NUDCD3: variants seen among roughly 807,000 people sequenced by gnomAD.
NUDCD3 encodes the protein NudC domain containing 3.
In NUDCD3, 13 loss-of-function variants were observed where a neutral mutation model predicts 39.7. That is an observed-to-expected ratio of 0.33 (90% CI 0.21 to 0.52). The LOEUF (loss-of-function observed/expected upper bound fraction) is 0.52, where lower values mean the gene tolerates loss of function less well. Ranked by LOEUF, NUDCD3 falls within the 20% of genes least tolerant of loss-of-function variation. The pLI is 0.96. For synonymous variants in NUDCD3, 175 were observed against 172.4 expected (o/e 1.02, Z -0.12); for missense variants, 453 against 458.1 (o/e 0.99, Z 0.10).
Position 44,383,985 on chromosome 7 carries a change from C to T in NUDCD3, c.*2026G>A, listed in dbSNP as rs1253645094. On this transcript the variant is annotated 3_prime_UTR_variant, in exon 6 of 6. Coordinates refer to ENST00000355451, the MANE Select transcript of NUDCD3 (RefSeq NM_015332.4). ...CCAATACTATCCCTCAGTCATTCTT[C>T]CTAGATATTGGTTTGCTGTTTATTA... 1 of 152,236 alleles carries T rather than the reference C, an allele frequency of 6.6e-6. No homozygotes were observed. Among genetic ancestry groups the T allele is most frequent in the Non-Finnish European group, 1.5e-5 (1 of 68,064 alleles). 9.4% of individuals were successfully genotyped at this position (152,236 alleles called of 1,614,324 possible).
chr7:44,475,005 T>C (rs1405275986), intron 2 of NUDCD3, among the ~76,000 whole-genome samples: 1 of 152,240 alleles, frequency 6.6e-6, no homozygotes, highest in Non-Finnish European at 1.5e-5. Context: ...CCTGGCTTTC[T>C]ATTCATTATT....
At chr7:44,473,459 T>C (rs1336972056) in intron 2 of NUDCD3, among the ~76,000 whole-genome samples, 5 of 151,958 alleles carry the variant, frequency 3.3e-5, no homozygotes, top group Admixed American at 3.3e-4. Context: ...ATGTGTACAC[T>C]AAGGAGAAGC....
At chr7:44,478,080 G>A (rs115276960) in intron 2 of NUDCD3, among the ~76,000 whole-genome samples, 85 of 151,956 alleles carry the variant, frequency 5.6e-4, no homozygotes, top group African/African-American at 2.0e-3. Context: ...ATGATCAGCC[G>A]GCCTCGGCCT....
chr7:44,417,233 T>C (rs192809260), intron 3 of NUDCD3, among the ~76,000 whole-genome samples: 475 of 152,338 alleles, frequency 3.1e-3, no homozygotes, highest in Non-Finnish European at 3.3e-3. Context: ...CACATCATCT[T>C]AGAGGTCATG....
chr7:44,451,134 G>A lies in NUDCD3; in HGVS notation c.510-23431C>T, dbSNP rs149368210. Among the ~76,000 whole-genome samples, 56 of 152,304 alleles carry A rather than the reference G, an allele frequency of 3.7e-4. 1 individual carries two copies. The highest frequency in any genetic ancestry group is 3.4e-3 in the Middle Eastern group (1 of 292). On this transcript the variant is annotated intron_variant, in intron 2 of 5. Transcript: ENST00000355451. ...TAAACAAAATGTAGTATATCCATACGATGGATTATTCAGACTTAAAAAGGA... is the reference window on the plus strand; with the variant it reads ...TAAACAAAATGTAGTATATCCATACAATGGATTATTCAGACTTAAAAAGGA...
chr7:44,386,993 G>A (rs1798413789), intron 5 of NUDCD3, among the ~76,000 whole-genome samples: 1 of 151,954 alleles, frequency 6.6e-6, no homozygotes, highest in South Asian at 2.1e-4. Context: ...CTGACCACAA[G>A]AGACAAAAGA....
At chr7:44,436,554 A>AGTACTTTGTACTGTACTT (rs1402563080) in intron 2 of NUDCD3, among the ~76,000 whole-genome samples, 29 of 152,374 alleles carry the variant, frequency 1.9e-4, no homozygotes, top group Admixed American at 1.6e-3. Flanking sequence ...AAAGTGGGTC[A>AGTACTTTGTACTGTACTT]TGCTACAGAA....
At chr7:44,490,312 G>A in intron 1 of NUDCD3, 97 bp downstream of exon 1, 3 of 1,206,154 alleles carry the variant, frequency 2.5e-6, no homozygotes, top group Non-Finnish European at 3.3e-6. Context: ...ACCAGGAAAA[G>A]GAGGAAACAG....
intron 2 of NUDCD3, among the ~76,000 whole-genome samples, chr7:44,438,621 G>C (rs1424915772): frequency 1.1e-5 from 1 of 92,490 alleles, no homozygotes; most frequent in East Asian, 3.4e-4. Context: ...CCTATACCCA[G>C]TGCTAATCCA....
intron 2 of NUDCD3, chr7:44,468,349 CAAAAAA>C (rs77181470): frequency 2.4e-4 from 93 of 380,818 alleles, no homozygotes; most frequent in Non-Finnish European, 2.7e-4. Flanking sequence ...GTAAAAACTG[CAAAAAA>C]AAAAAAAAAA....
chr7:44,381,574 G>A lies in NUDCD3; in HGVS notation c.*4437C>T, dbSNP rs1798305309. ...GGGGTTAGACTACAAAGTCCCTCAGGCCCTGACCAGCTCTGGGGAAGAAGG... is the reference window on the plus strand; with the variant it reads ...GGGGTTAGACTACAAAGTCCCTCAGACCCTGACCAGCTCTGGGGAAGAAGG... On this transcript the variant is annotated 3_prime_UTR_variant, in exon 6 of 6. Transcript: ENST00000355451. 1.3e-5 allele frequency: 2 copies of A among 152,326 alleles called. No individual in the cohort carries two copies. The highest frequency in any genetic ancestry group is 6.5e-5 in the Admixed American group (1 of 15,298). The allele number at this position is 152,326 out of a possible 1,614,324, so 9.4% of individuals were successfully genotyped here.
At chr7:44,461,256 T>C (rs939860386) in intron 2 of NUDCD3, among the ~76,000 whole-genome samples, 1 of 152,222 alleles carries the variant, frequency 6.6e-6, no homozygotes, top group Non-Finnish European at 1.5e-5. Context: ...ACCCTTCCTC[T>C]GCATTCATCA....
chr7:44,485,924 C>T (rs1328144350), intron 1 of NUDCD3, among the ~76,000 whole-genome samples: 1 of 152,116 alleles, frequency 6.6e-6, no homozygotes, highest in Non-Finnish European at 1.5e-5. Context: ...ACCTCTCTAC[C>T]AAAAAAGTAC....
intron 2 of NUDCD3, among the ~76,000 whole-genome samples, chr7:44,462,600 G>A (rs189427972): frequency 6.6e-6 from 1 of 152,320 alleles, no homozygotes; most frequent in East Asian, 1.9e-4. Context: ...CTCTCAAAGG[G>A]AGGGTAGGCC....
At chr7:44,419,696 C>G (rs1799101511) in intron 3 of NUDCD3, among the ~76,000 whole-genome samples, 1 of 152,156 alleles carries the variant, frequency 6.6e-6, no homozygotes, top group African/African-American at 2.4e-5. Flanking sequence ...ACTGGTGATA[C>G]CCAGGCAAAC....
chr7:44,466,053 C>T (rs572603346), intron 2 of NUDCD3, among the ~76,000 whole-genome samples: 48 of 152,204 alleles, frequency 3.2e-4, no homozygotes, highest in African/African-American at 1.0e-3. Context: ...GGCACAGCCA[C>T]CCAACATGAG....
At chr7:44,467,592 G>A (rs973154346) in intron 2 of NUDCD3, among the ~76,000 whole-genome samples, 20 of 152,128 alleles carry the variant, frequency 1.3e-4, no homozygotes, top group African/African-American at 4.1e-4. Flanking sequence ...ATTGAGGCCC[G>A]GCAGGGACGA....
At chr7:44,482,041 T>C (rs1025458814) in intron 2 of NUDCD3, among the ~76,000 whole-genome samples, 3 of 152,218 alleles carry the variant, frequency 2.0e-5, no homozygotes, top group Non-Finnish European at 4.4e-5. Context: ...ACCCAGGCTA[T>C]ATTATTTTGT....
At chr7:44,397,744 T>C (rs1022806415) in intron 4 of NUDCD3, among the ~76,000 whole-genome samples, 4 of 152,206 alleles carry the variant, frequency 2.6e-5, no homozygotes, top group Admixed American at 6.5e-5. Context: ...TAATATATAA[T>C]AACATAGTAT....
Sources: allele counts gnomAD v4.1 joint callset (sites outside exome capture counted in the v4.1 genomes callset), GRCh38; gene constraint gnomAD v4.1.1; transcripts MANE v1.5; gene names NCBI Gene and HGNC (gene_info 2026-07-23, HGNC 2026-07-21).